Variants in PDS5A observed in about 807,000 individuals in gnomAD.
The protein encoded by PDS5A is sister chromatid cohesion protein PDS5 homolog A.
A neutral mutation model predicts 167.1 loss-of-function variants in PDS5A; 42 were observed. The observed-to-expected ratio is 0.25, with a 90% confidence interval of 0.20 to 0.33. PDS5A has a LOEUF of 0.33. Among genes scored for constraint, PDS5A ranks in the 10% least tolerant of loss-of-function variants. The pLI is 1.00. For synonymous variants in PDS5A, 553 were observed against 554.6 expected, an observed-to-expected ratio of 1.00 and a Z score of 0.04; for missense variants, 1,033 against 1,605.9, an observed-to-expected ratio of 0.64 and a Z score of 6.10.
At chr4:39,906,311 T>C (rs1463318857) in intron 11 of PDS5A, among the ~76,000 whole-genome samples, 1 of 151,652 alleles carries the variant, frequency 6.6e-6, no homozygotes, top group Non-Finnish European at 1.5e-5. Context: ...GAGGGTGCAG[T>C]GAGCTGAGAT....
In PDS5A at chr4:39,831,746, G is replaced by A. The variant is rs1032438522; in HGVS notation, c.4010+6110C>T. On this transcript the variant is annotated intron_variant, in intron 32 of 32. Transcript: ENST00000303538. ...TACAAAATTAGCCAGGCTTGGTGGC[G>A]CATGCCTGTAATCCCAGCTACTAGG... Among the ~76,000 whole-genome samples the A allele has an allele frequency of 2.0e-5, 3 of 151,382 alleles. No individual in the cohort carries two copies. In the South Asian group the frequency reaches 6.3e-4, roughly 32 times the overall value.
chr4:39,887,888 A>C (rs1721615377), intron 17 of PDS5A, among the ~76,000 whole-genome samples: 1 of 151,898 alleles, frequency 6.6e-6, no homozygotes, highest in Non-Finnish European at 1.5e-5. Context: ...ATAACAAAAC[A>C]AAACAAAACA....
intron 2 of PDS5A, among the ~76,000 whole-genome samples, chr4:39,955,546 A>G (rs1728844663): frequency 6.6e-6 from 1 of 151,944 alleles, no homozygotes; most frequent in Non-Finnish European, 1.5e-5. Context: ...GGTTGCAGTG[A>G]GCTGAGATCA....
At chr4:39,878,324 G>A (rs551159171) in intron 18 of PDS5A, among the ~76,000 whole-genome samples, 58 of 152,242 alleles carry the variant, frequency 3.8e-4, no homozygotes, top group African/African-American at 1.0e-3. Flanking sequence ...GGCCGGGCGC[G>A]GTGGCTCACG....
At chr4:39,924,516 C>A (rs1445510649) in intron 5 of PDS5A, among the ~76,000 whole-genome samples, 1 of 152,198 alleles carries the variant, frequency 6.6e-6, no homozygotes, top group African/African-American at 2.4e-5. Context: ...CTAATCCTAC[C>A]ATTCCATCTA....
chr4:39,950,627 C>T (rs562688016), intron 2 of PDS5A, among the ~76,000 whole-genome samples: 2 of 152,110 alleles, frequency 1.3e-5, no homozygotes, highest in Non-Finnish European at 2.9e-5. Context: ...CTCTGTCGCC[C>T]AGACTGGAGT....
intron 18 of PDS5A, 102 bp downstream of exon 18, chr4:39,879,626 A>G: frequency 1.6e-6 from 1 of 609,302 alleles, no homozygotes; most frequent in Non-Finnish European, 3.0e-6. Context: ...TAAATCTTTC[A>G]AATAGTTTCC....
intron 16 of PDS5A, among the ~76,000 whole-genome samples, chr4:39,891,228 T>G (rs557101945): frequency 1.3e-5 from 2 of 151,740 alleles, no homozygotes; most frequent in South Asian, 2.1e-4. Flanking sequence ...ACATGGGGTT[T>G]CGTCATGTTG....
intron 9 of PDS5A, among the ~76,000 whole-genome samples, chr4:39,911,094 A>C (rs1409859132): frequency 6.6e-6 from 1 of 152,162 alleles, no homozygotes; most frequent in Non-Finnish European, 1.5e-5. Context: ...TAATTGTGCC[A>C]CTGCACTCCA....
intron 22 of PDS5A, among the ~76,000 whole-genome samples, chr4:39,867,445 C>A (rs1018282874): frequency 3.3e-5 from 5 of 151,448 alleles, no homozygotes; most frequent in Non-Finnish European, 7.4e-5. Flanking sequence ...GTAATCCCAG[C>A]ACTTTGGGAG....
chr4:39,831,328 T>C (rs1024977039), intron 32 of PDS5A, among the ~76,000 whole-genome samples: 5 of 151,988 alleles, frequency 3.3e-5, no homozygotes, highest in Admixed American at 3.3e-4. Context: ...CTTGAACTCC[T>C]GACCTCGTGA....
chr4:39,930,274 T>TTC (rs1725939033), intron 2 of PDS5A, among the ~76,000 whole-genome samples: 4 of 143,560 alleles, frequency 2.8e-5, no homozygotes, highest in East Asian at 4.1e-4. Flanking sequence ...TTTTTTTTTT[T>TTC]AAGAGACAGG....
At chr4:39,949,821 G>GGA (rs747625236) in intron 2 of PDS5A, among the ~76,000 whole-genome samples, 2 of 67,186 alleles carry the variant, frequency 3.0e-5, no homozygotes, top group African/African-American at 5.5e-5. Flanking sequence ...CTCTGTCTCA[G>GGA]AAAAAAAAAA....
At chr4:39,852,819 C>A (rs1458590535) in intron 26 of PDS5A, among the ~76,000 whole-genome samples, 6 of 152,186 alleles carry the variant, frequency 3.9e-5, no homozygotes, top group Non-Finnish European at 7.3e-5. Flanking sequence ...TTCCTTGACT[C>A]CATCTTTAAG....
At chr4:39,959,758 C>CA (rs1030626488) in intron 2 of PDS5A, among the ~76,000 whole-genome samples, 11 of 151,998 alleles carry the variant, frequency 7.2e-5, no homozygotes, top group African/African-American at 2.4e-4. Context: ...AGTTTGAGAC[C>CA]AGCCTGGCCA....
chr4:39,922,891 G>A lies in PDS5A; in HGVS notation c.528-143C>T, dbSNP rs1725118274. ...TCACTTGAGGGACAGTGCCAATAAT[G>A]GCAGAGAAATTTTGGCTGCTCTATT... On this transcript the variant is annotated intron_variant, in intron 5 of 32. Transcript: ENST00000303538. 5 of 1,033,372 alleles carry A rather than the reference G, an allele frequency of 4.8e-6. No homozygotes were observed. In the South Asian group the frequency reaches 1.1e-4, roughly 23 times the overall value. 64.0% of individuals were successfully genotyped at this position (1,033,372 alleles called of 1,614,324 possible).
intron 2 of PDS5A, among the ~76,000 whole-genome samples, chr4:39,971,156 T>C (rs1730497774): frequency 6.7e-6 from 1 of 149,782 alleles, no homozygotes. Context: ...GTTTTTTGTT[T>C]TGTTTTGTTT....
rs148818319 is a variant in PDS5A at position 39,902,484 on chromosome 4, A to T, written c.1386-24T>A. Reference sequence around the variant, plus strand: ...GTCTAGGAAATAACAACAACAAAAAAAACCTAAGTGACACAATTATTCCAT... The same window carrying T: ...GTCTAGGAAATAACAACAACAAAAATAACCTAAGTGACACAATTATTCCAT... On this transcript the variant is annotated intron_variant, in intron 12 of 32. Transcript: ENST00000303538. The T allele has an allele frequency of 2.2e-3, 2,594 of 1,201,490 alleles. 2 individuals are homozygous for T. The highest frequency in any genetic ancestry group is 2.6e-3 in the Non-Finnish European group (2,177 of 835,646). 74.4% of individuals were successfully genotyped at this position (1,201,490 alleles called of 1,614,324 possible). A position where few individuals can be genotyped will look rare whatever the true frequency, so the allele number is the denominator to read the frequency against.
intron 29 of PDS5A, 134 bp from the exon 30 acceptor site, chr4:39,844,935 G>T: frequency 1.0e-6 from 1 of 974,298 alleles, no homozygotes; most frequent in Non-Finnish European, 1.4e-6. Flanking sequence ...GTTCATTCTG[G>T]GCCAGGCATA....
Sources: allele counts gnomAD v4.1 joint callset (sites outside exome capture counted in the v4.1 genomes callset), GRCh38; gene constraint gnomAD v4.1.1; transcripts MANE v1.5; gene names NCBI Gene and HGNC (gene_info 2026-07-23, HGNC 2026-07-21).